The following MGMT variants were observed in gnomAD, a reference collection of about 807,000 sequenced individuals.
The protein encoded by MGMT is O-6-methylguanine-DNA methyltransferase.
In MGMT, 14 loss-of-function variants were observed where a neutral mutation model predicts 15.9. The ratio of observed to expected loss-of-function variants is 0.88; its 90% CI spans 0.58 to 1.37. MGMT has a LOEUF of 1.37. MGMT is among the 40% of genes most tolerant of loss of function. MGMT has a pLI of 0.00. For synonymous variants in MGMT, 130 were observed against 118.2 expected, an observed-to-expected ratio of 1.10 and a Z score of -0.65; for missense variants, 282 against 268.1, an observed-to-expected ratio of 1.05 and a Z score of -0.36.
At chr10:129,639,804 A>C (rs1489782429) in intron 2 of MGMT, among the ~76,000 whole-genome samples, 1 of 152,150 alleles carries the variant, frequency 6.6e-6, no homozygotes, top group African/African-American at 2.4e-5. Flanking sequence ...ACCCAAGACA[A>C]ACAGAAGGAA....
intron 3 of MGMT, among the ~76,000 whole-genome samples, chr10:129,745,065 A>G (rs979548361): frequency 1.8e-4 from 28 of 152,108 alleles, no homozygotes; most frequent in African/African-American, 6.0e-4. Context: ...CTTCTGTGAG[A>G]GCATGGCAGG....
chr10:129,662,662 G>A (rs1010346805), intron 2 of MGMT, among the ~76,000 whole-genome samples: 3 of 152,048 alleles, frequency 2.0e-5, no homozygotes, highest in Non-Finnish European at 2.9e-5. Flanking sequence ...AAGGCAGCCC[G>A]TAGCTCAGCA....
At chr10:129,516,311 A>G (rs1845737555) in intron 1 of MGMT, among the ~76,000 whole-genome samples, 1 of 152,186 alleles carries the variant, frequency 6.6e-6, no homozygotes, top group African/African-American at 2.4e-5. Flanking sequence ...GAAATCACCA[A>G]ATAGGGAATT....
At chr10:129,698,574 C>T (rs1248972902) in intron 2 of MGMT, among the ~76,000 whole-genome samples, 5 of 152,134 alleles carry the variant, frequency 3.3e-5, no homozygotes, top group South Asian at 2.1e-4. Flanking sequence ...GTGTGTAAAA[C>T]GTTAGAAAGC....
chr10:129,533,170 C>G lies in MGMT; in HGVS notation c.-12-3071C>G, dbSNP rs187455948. ...GTTGCCCCACAGATGTTTCCTGAAG[C>G]TTGATTTTGGCTGTGATTGGAGCGT... On this transcript the variant is annotated intron_variant, in intron 1 of 4. Transcript: ENST00000651593. This position sits in a 1 kb window ranked among gnomAD's most constrained non-coding sequence, Gnocchi z 4.5. 2.0e-3 allele frequency among the ~76,000 whole-genome samples: 303 copies of G among 152,374 alleles called. 4 individuals are homozygous for G. Among genetic ancestry groups the G allele is most frequent in the Admixed American group, 0.018 (271 of 15,300 alleles).
At chr10:129,591,052 A>G (rs1189935876) in intron 2 of MGMT, among the ~76,000 whole-genome samples, 1 of 152,154 alleles carries the variant, frequency 6.6e-6, no homozygotes, top group Non-Finnish European at 1.5e-5. Context: ...TTCTGTAGGC[A>G]AGCACCTGTG....
intron 2 of MGMT, among the ~76,000 whole-genome samples, chr10:129,587,276 TTGTC>T (rs1447950744): frequency 6.6e-6 from 1 of 151,984 alleles, no homozygotes; most frequent in Non-Finnish European, 1.5e-5. Context: ...ACATCTATAT[TTGTC>T]TGTTTTAAGT....
chr10:129,519,996 C>T (rs1341005860), intron 1 of MGMT, among the ~76,000 whole-genome samples: 1 of 152,026 alleles, frequency 6.6e-6, no homozygotes, highest in African/African-American at 2.4e-5. Context: ...TAGCAAGACC[C>T]TATCTCTACC....
intron 3 of MGMT, 117 bp from the exon 4 acceptor site, chr10:129,759,085 G>A: frequency 7.7e-7 from 1 of 1,293,638 alleles, no homozygotes; most frequent in Non-Finnish European, 1.1e-6. Flanking sequence ...TGTTTTAATT[G>A]AGTATAATAC....
At chr10:129,560,168 G>A (rs1186768482) in intron 2 of MGMT, among the ~76,000 whole-genome samples, 1 of 152,212 alleles carries the variant, frequency 6.6e-6, no homozygotes, top group African/African-American at 2.4e-5. Context: ...CAATACCAGT[G>A]AACCTTGCAA....
chr10:129,557,424 T>C (rs1846226489), intron 2 of MGMT, among the ~76,000 whole-genome samples: 1 of 152,216 alleles, frequency 6.6e-6, no homozygotes, highest in Non-Finnish European at 1.5e-5. Flanking sequence ...TATTGGTATT[T>C]TTAGGCTCTT....
At chr10:129,738,197 A>G (rs772707546) in intron 3 of MGMT, among the ~76,000 whole-genome samples, 7 of 152,208 alleles carry the variant, frequency 4.6e-5, no homozygotes, top group Non-Finnish European at 1.0e-4. Context: ...TGTGCTAGCA[A>G]TCAGCGAGAC....
intron 2 of MGMT, among the ~76,000 whole-genome samples, chr10:129,648,214 C>A (rs894190126): frequency 1.3e-5 from 2 of 152,110 alleles, no homozygotes; most frequent in Non-Finnish European, 1.5e-5. Context: ...TTTCATCTTG[C>A]ACCGCGAACT....
intron 1 of MGMT, 109 bp downstream of exon 1, chr10:129,467,405 G>C (rs555907125): frequency 1.6e-5 from 22 of 1,380,156 alleles, no homozygotes; most frequent in Middle Eastern, 1.9e-4. Flanking sequence ...CGGGTGTGGG[G>C]CCGCCCTGAC....
At chr10:129,697,446 C>T (rs1379942303) in intron 2 of MGMT, among the ~76,000 whole-genome samples, 1 of 151,974 alleles carries the variant, frequency 6.6e-6, no homozygotes, top group Non-Finnish European at 1.5e-5. Flanking sequence ...TGGGTCTGTC[C>T]CTTATGCGTT....
intron 1 of MGMT, among the ~76,000 whole-genome samples, chr10:129,468,446 G>A (rs1381547756): frequency 6.6e-6 from 1 of 152,070 alleles, no homozygotes; most frequent in Non-Finnish European, 1.5e-5. Context: ...TTGCTCTGCC[G>A]CGTGTCTTTC....
At chr10:129,605,114 A>G (rs1363626863) in intron 2 of MGMT, among the ~76,000 whole-genome samples, 2 of 152,198 alleles carry the variant, frequency 1.3e-5, no homozygotes, top group East Asian at 3.9e-4. Context: ...TAAGAAGGCA[A>G]TATATGGAGA....
intron 2 of MGMT, among the ~76,000 whole-genome samples, chr10:129,641,139 C>T (rs7921260): frequency 0.048 from 7,327 of 152,268 alleles, 216 homozygotes; most frequent in Middle Eastern, 0.089. Flanking sequence ...TACAAAACTA[C>T]GCAACATACA....
chr10:129,516,280 C>T (rs59037242), intron 1 of MGMT, among the ~76,000 whole-genome samples: 23,766 of 152,180 alleles, frequency 0.16, 2,599 homozygotes, highest in African/African-American at 0.3. Flanking sequence ...CGTGTTGCCA[C>T]AGAGGAGCAC....
Sources: allele counts gnomAD v4.1 joint callset (sites outside exome capture counted in the v4.1 genomes callset), GRCh38; gene constraint gnomAD v4.1.1; non-coding constraint Gnocchi (gnomAD v3.1); transcripts MANE v1.5; gene names NCBI Gene and HGNC (gene_info 2026-07-23, HGNC 2026-07-21).